The following IL16 variants were observed in gnomAD, a reference collection of about 807,000 sequenced individuals.
IL16 encodes interleukin 16.
A neutral mutation model predicts 110.1 loss-of-function variants in IL16; 67 were observed. The observed-to-expected ratio is 0.61, with a 90% CI of 0.50 to 0.75. The LOEUF (loss-of-function observed/expected upper bound fraction) is 0.75, where lower values mean the gene tolerates loss of function less well. Among genes scored for constraint, IL16 ranks in the 30% least tolerant of loss-of-function variants. The pLI is 0.00. For synonymous variants in IL16, 689 were observed against 662.9 expected, an observed-to-expected ratio of 1.04 and a Z score of -0.61; for missense variants, 1,545 against 1,655.0, an observed-to-expected ratio of 0.93 and a Z score of 1.15.
At chr15:81,224,332 G>T (rs1418968173) in intron 1 of IL16, among the ~76,000 whole-genome samples, 1 of 152,222 alleles carries the variant, frequency 6.6e-6, no homozygotes, top group Non-Finnish European at 1.5e-5. Context: ...TCTCTTTTGT[G>T]GCTTGGGCCT....
chr15:81,241,531 A>G (rs1014886125), intron 2 of IL16, among the ~76,000 whole-genome samples: 4 of 152,112 alleles, frequency 2.6e-5, no homozygotes, highest in Admixed American at 2.6e-4. Flanking sequence ...GGCATTCCTC[A>G]TTTTCTGGTG....
intron 2 of IL16, among the ~76,000 whole-genome samples, chr15:81,248,462 G>A (rs1404488797): frequency 1.3e-5 from 2 of 150,244 alleles, no homozygotes; most frequent in Non-Finnish European, 3.0e-5. Context: ...TTGCTTCTTA[G>A]ATGAATCTCT....
chr15:81,293,122 AG>A, intron 12 of IL16, 85 bp downstream of exon 12: 1 of 1,424,110 alleles, frequency 7.0e-7, no homozygotes, highest in Non-Finnish European at 9.4e-7. Context: ...TAGTGTTAGC[AG>A]GGCCAGAATG....
intron 2 of IL16, among the ~76,000 whole-genome samples, chr15:81,256,590 C>T (rs1189187985): frequency 6.6e-6 from 1 of 152,160 alleles, no homozygotes; most frequent in African/African-American, 2.4e-5. Flanking sequence ...GTGAACCCCC[C>T]AATTTGGCCT....
chr15:81,257,576 T>G (rs1897993030), intron 2 of IL16, among the ~76,000 whole-genome samples: 1 of 152,118 alleles, frequency 6.6e-6, no homozygotes, highest in Non-Finnish European at 1.5e-5. Flanking sequence ...GAATGAGGGA[T>G]TCCAGCAGAG....
In IL16 at chr15:81,196,910, G is replaced by A. The variant is rs1397388685; in HGVS notation, c.-344G>A. The stretch of plus-strand genomic sequence containing the variant: ...GTCCTGAGTCACCTGTCCAGAGCAG[G>A]TGGTGAATATTGTGTCCTACTCACG... On this transcript the variant is annotated 5_prime_UTR_variant, in exon 1 of 19. In the 5' UTR this introduces an upstream ATG that the reference lacks. Transcript: ENST00000683961. The A allele has an allele frequency of 2.5e-6, 3 of 1,214,782 alleles. No homozygotes were observed. Among genetic ancestry groups the A allele is most frequent in the East Asian group, 1.2e-4 (2 of 16,846 alleles). 75.3% of individuals were successfully genotyped at this position (1,214,782 alleles called of 1,614,324 possible).
At chr15:81,194,055 G>A (rs527645816), upstream of IL16, among the ~76,000 whole-genome samples, 2 of 151,992 alleles carry the variant, frequency 1.3e-5, no homozygotes, top group Admixed American at 1.3e-4. Context: ...AATACAGTTC[G>A]CATGACCAAA....
At chr15:81,259,287 T>C (rs1009069311) in intron 2 of IL16, among the ~76,000 whole-genome samples, 4 of 152,246 alleles carry the variant, frequency 2.6e-5, no homozygotes, top group Non-Finnish European at 2.9e-5. Context: ...TTGCTCGATC[T>C]TTCTCTCTAA....
rs1430570842 is a variant in IL16, at chr15:81,306,090, G to A, written c.3603G>A (p.Glu1201=). The change falls in exon 17 of 19, where the codon GAG becomes GAA. Residue 1201 remains glutamate (E), a synonymous_variant. Transcript: ENST00000683961. ...TTGTCACAAGGAAGCTGACTCCAGA[G>A]GCCATGCCCGACCTCAACTCCTCCA... The part of the protein sequence containing the change: ...AVIVTRKLTP[E]AMPDLNSSTD... 6.2e-7 allele frequency: 1 copy of A among 1,614,210 alleles called. No individual in the cohort carries two copies. The highest frequency in any genetic ancestry group is 1.7e-5 in the Admixed American group (1 of 60,032).
chr15:81,253,748 A>C (rs1897850196), intron 2 of IL16, among the ~76,000 whole-genome samples: 1 of 152,186 alleles, frequency 6.6e-6, no homozygotes, highest in African/African-American at 2.4e-5. Context: ...CCCCTAGGGC[A>C]TTGTATTAAT....
intron 2 of IL16, among the ~76,000 whole-genome samples, chr15:81,233,637 A>G (rs1011282605): frequency 2.6e-5 from 4 of 152,040 alleles, no homozygotes; most frequent in Non-Finnish European, 2.9e-5. Context: ...AAATGTGTAT[A>G]TATGTCTGTG....
intron 9 of IL16, among the ~76,000 whole-genome samples, chr15:81,283,032 C>G (rs1411455233): frequency 6.6e-6 from 1 of 152,308 alleles, no homozygotes; most frequent in Non-Finnish European, 1.5e-5. Context: ...CTCCAGGCCA[C>G]TGGGAGGGTG....
At chr15:81,282,900 C>G in intron 9 of IL16, 144 bp downstream of exon 9, 1 of 758,510 alleles carries the variant, frequency 1.3e-6, no homozygotes, top group Non-Finnish European at 2.3e-6. Flanking sequence ...GCCAGGACAC[C>G]CCCTGTTGTG....
Position 81,210,795 on chromosome 15 carries a change from T to G in IL16, c.-102+13643T>G, listed in dbSNP as rs138798247. On this transcript the variant is annotated intron_variant, in intron 1 of 18. Coordinates refer to ENST00000683961, the MANE Select transcript of IL16 (RefSeq NM_172217.5). ...GATTCATATTGACAACGAAGAGAGA[T>G]AGTTTGACTTCTTCTTTTCCTATTT... is the stretch of plus-strand genomic sequence containing the variant. 6.3e-3 allele frequency among the ~76,000 whole-genome samples: 955 copies of G among 152,332 alleles called. 5 individuals are homozygous for G. The highest frequency in any genetic ancestry group is 9.2e-3 in the Non-Finnish European group (627 of 68,024).
intron 15 of IL16, among the ~76,000 whole-genome samples, chr15:81,302,545 C>T (rs560504059): frequency 2.0e-5 from 3 of 152,100 alleles, no homozygotes; most frequent in Non-Finnish European, 2.9e-5. Flanking sequence ...TTCATCCTTC[C>T]ATGCCTTTGG....
intron 2 of IL16, among the ~76,000 whole-genome samples, chr15:81,233,914 C>T (rs1897098228): frequency 6.6e-6 from 1 of 151,932 alleles, no homozygotes; most frequent in Non-Finnish European, 1.5e-5. Flanking sequence ...GTCTGTTTCT[C>T]CTTTTAGTTC....
At chr15:81,208,800 G>A (rs1243977101) in intron 1 of IL16, among the ~76,000 whole-genome samples, 10 of 152,188 alleles carry the variant, frequency 6.6e-5, no homozygotes, top group Non-Finnish European at 1.2e-4. Context: ...TTAGGTGTGT[G>A]GGCTCATTAA....
intron 2 of IL16, among the ~76,000 whole-genome samples, chr15:81,251,015 A>G (rs1321793416): frequency 6.6e-6 from 1 of 152,164 alleles, no homozygotes; most frequent in Admixed American, 6.5e-5. Context: ...AGTTCATCAA[A>G]TTATCTCAGA....
At chr15:81,266,794 C>A (rs1315651180) in intron 4 of IL16, among the ~76,000 whole-genome samples, 10 of 152,326 alleles carry the variant, frequency 6.6e-5, no homozygotes, top group African/African-American at 2.4e-4. Context: ...GCTCACCCAG[C>A]CTGTCTTGTG....
Sources: gnomAD v4.1 joint callset for allele counts (sites outside exome capture counted in the v4.1 genomes callset) on GRCh38, gnomAD v4.1.1 for gene constraint, MANE v1.5 for transcripts, NCBI Gene and HGNC (gene_info 2026-07-23, HGNC 2026-07-21) for gene names.